The following RFX7 variants were observed in gnomAD, a reference collection of about 807,000 sequenced individuals.
RFX7 encodes the protein DNA-binding protein RFX7.
In RFX7, 26 loss-of-function variants were observed where a neutral mutation model predicts 111.8. The observed-to-expected ratio is 0.23, with a 90% CI of 0.17 to 0.32. RFX7 has a LOEUF of 0.32. Ranked by LOEUF, RFX7 falls within the 10% of genes least tolerant of loss-of-function variation. RFX7 has a pLI of 1.00. For missense variants in RFX7, 1,573 were observed against 1,772.9 expected (o/e 0.89, Z 2.02); for synonymous variants, 624 against 624.4 (o/e 1.00, Z 0.01).
chr15:56,106,295 C>T (rs1241406986), intron 5 of RFX7, among the ~76,000 whole-genome samples: 2 of 152,176 alleles, frequency 1.3e-5, no homozygotes, highest in African/African-American at 4.8e-5. Flanking sequence ...GATATAACAA[C>T]CTCATTGTCG....
intron 7 of RFX7, 42 bp downstream of exon 7, chr15:56,102,127 G>T (rs1157976059): frequency 3.6e-6 from 5 of 1,383,504 alleles, no homozygotes; most frequent in Non-Finnish European, 5.1e-6. Flanking sequence ...TTAATATAAA[G>T]GTACAATTTT....
chr15:56,220,585 C>T (rs182763444), intron 2 of RFX7, among the ~76,000 whole-genome samples: 1 of 151,996 alleles, frequency 6.6e-6, no homozygotes. Context: ...GGATATTAGA[C>T]CTTTGTCAGA....
intron 5 of RFX7, among the ~76,000 whole-genome samples, chr15:56,140,406 T>C (rs563948558): frequency 2.0e-4 from 31 of 152,332 alleles, no homozygotes; most frequent in Non-Finnish European, 4.3e-4. Flanking sequence ...CCCCTTTCTT[T>C]GACTCGGAAA....
rs781547733 is a variant in RFX7, at chr15:56,102,185, T to A, written c.587A>T (p.His196Leu). The change falls in exon 7 of 10, where the codon CAC becomes CTC. Residue 196 changes from histidine (H) to leucine (L), a missense_variant. Coordinates refer to ENST00000559447, the MANE Select transcript of RFX7 (RefSeq NM_022841.7). ...AATTCTTACCCCATCTCCAGTTTTGTGAAAGTCAAGGTTGGGCAGTGTTGG... is the reference window on the plus strand; with the variant it reads ...AATTCTTACCCCATCTCCAGTTTTGAGAAAGTCAAGGTTGGGCAGTGTTGG... ...HMPTLPNLDF[H>L]KTGDGLEGAE... 1 of 1,611,720 alleles carries A rather than the reference T, an allele frequency of 6.2e-7. No homozygotes were observed. Among genetic ancestry groups the A allele is most frequent in the Admixed American group, 1.7e-5 (1 of 59,714 alleles).
chr15:56,132,281 A>G (rs1187485500), intron 5 of RFX7, among the ~76,000 whole-genome samples: 1 of 152,068 alleles, frequency 6.6e-6, no homozygotes, highest in Non-Finnish European at 1.5e-5. Context: ...GAAACTTGTG[A>G]AAAAGAGGTA....
At chr15:56,112,126 A>G (rs2041944323) in intron 5 of RFX7, among the ~76,000 whole-genome samples, 1 of 151,606 alleles carries the variant, frequency 6.6e-6, no homozygotes, top group African/African-American at 2.4e-5. Context: ...GAAAAAAAAA[A>G]AAAAAAAGAA....
At chr15:56,140,710 C>T (rs2042380178) in intron 5 of RFX7, among the ~76,000 whole-genome samples, 1 of 152,188 alleles carries the variant, frequency 6.6e-6, no homozygotes, top group Admixed American at 6.5e-5. Flanking sequence ...CACTACTCCT[C>T]CCAAACAATG....
chr15:56,136,059 A>G (rs1178929146), intron 5 of RFX7, among the ~76,000 whole-genome samples: 4 of 152,100 alleles, frequency 2.6e-5, no homozygotes, highest in African/African-American at 9.7e-5. Flanking sequence ...TGATGCCTCC[A>G]GCTTTGTTCT....
intron 5 of RFX7, among the ~76,000 whole-genome samples, chr15:56,106,371 AATC>A (rs1196746245): frequency 1.3e-5 from 2 of 152,224 alleles, no homozygotes; most frequent in Non-Finnish European, 2.9e-5. Flanking sequence ...ATTCCTCCTG[AATC>A]ATGTCAGAAG....
At chr15:56,097,746 C>CAAAAAAAAA (rs67718449) in intron 9 of RFX7, among the ~76,000 whole-genome samples, 788 of 47,312 alleles carry the variant, frequency 0.017, 216 homozygotes, top group African/African-American at 0.08. Context: ...GACTCTGTCT[C>CAAAAAAAAA]AAAAAAAAAA....
chr15:56,182,603 A>G (rs2042986180), intron 2 of RFX7, among the ~76,000 whole-genome samples: 1 of 152,118 alleles, frequency 6.6e-6, no homozygotes, highest in Admixed American at 6.5e-5. Flanking sequence ...ATTCCATCAC[A>G]CTGTACTTTT....
chr15:56,223,712 C>T lies in RFX7; in HGVS notation c.161+19413G>A, dbSNP rs919182154. Reference sequence around the variant, plus strand: ...CCCTACAAAGAGCATCTGTTTACTTCGGGTATATTTTCTTCTACTTATATA... The same window carrying T: ...CCCTACAAAGAGCATCTGTTTACTTTGGGTATATTTTCTTCTACTTATATA... On this transcript the variant is annotated intron_variant, in intron 2 of 9. Transcript: ENST00000559447. Among the ~76,000 whole-genome samples, 11 of 152,056 alleles carry T rather than the reference C, an allele frequency of 7.2e-5. 1 individual carries two copies. The highest frequency in any genetic ancestry group is 1.3e-4 in the Admixed American group (2 of 15,264).
chr15:56,095,609 CT>C lies in RFX7; in HGVS notation c.2118del (p.Gly707ValfsTer14). ...GGAATCTGAGCACCTGCTGTTGAAC[CT>C]TCTGTTTTCCCTGAATGTGGAACCT... The part of the protein sequence containing the change: ...DQKVPHSGKT[E>X]GSTAGAQIPS... On this transcript the variant is annotated frameshift_variant, in exon 10 of 10. Transcript: ENST00000559447. LOFTEE classifies it high-confidence loss of function. The C allele has an allele frequency of 6.2e-7, 1 of 1,613,980 alleles. No individual in the cohort carries two copies. Among genetic ancestry groups the C allele is most frequent in the East Asian group, 2.2e-5 (1 of 44,888 alleles).
intron 2 of RFX7, among the ~76,000 whole-genome samples, chr15:56,182,242 A>G (rs933698291): frequency 4.6e-5 from 7 of 152,104 alleles, no homozygotes; most frequent in Admixed American, 6.6e-5. Flanking sequence ...AAAATTTTTT[A>G]TCTTCCATGA....
intron 3 of RFX7, among the ~76,000 whole-genome samples, chr15:56,149,813 T>C (rs1461387994): frequency 6.6e-6 from 1 of 151,864 alleles, no homozygotes; most frequent in East Asian, 1.9e-4. Context: ...TTTTTTTTTT[T>C]CTTCTTTGCC....
At chr15:56,174,472 T>C (rs952455139) in intron 3 of RFX7, among the ~76,000 whole-genome samples, 17 of 152,146 alleles carry the variant, frequency 1.1e-4, no homozygotes, top group African/African-American at 4.1e-4. Context: ...CTGGGCACGG[T>C]TGCTCATACC....
At chr15:56,188,322 G>C (rs1460274317) in intron 2 of RFX7, among the ~76,000 whole-genome samples, 1 of 152,106 alleles carries the variant, frequency 6.6e-6, no homozygotes, top group African/African-American at 2.4e-5. Flanking sequence ...GCAATATCAA[G>C]TGGTCTAACT....
chr15:56,232,609 C>G (rs563044878), intron 2 of RFX7, among the ~76,000 whole-genome samples: 15 of 152,162 alleles, frequency 9.9e-5, no homozygotes, highest in Admixed American at 8.5e-4. Flanking sequence ...TCTAATACAT[C>G]GTCAGGCTGC....
In RFX7 at chr15:56,089,215, A is replaced by T. The variant is rs1356770121; in HGVS notation, c.*4130T>A. ...GTGTGTATGGAGTGCTTAATGGAAG[A>T]TTCTGAGATTTTTTTTTCTCTCTGA... On this transcript the variant is annotated 3_prime_UTR_variant, in exon 10 of 10. Transcript: ENST00000559447. 1 of 152,432 alleles carries T rather than the reference A, an allele frequency of 6.6e-6. No individual in the cohort carries two copies. The highest frequency in any genetic ancestry group is 1.5e-5 in the Non-Finnish European group (1 of 68,052). The allele number at this position is 152,432 out of a possible 1,614,324, so 9.4% of individuals were successfully genotyped here.
Sources: gnomAD v4.1 joint callset for allele counts (sites outside exome capture counted in the v4.1 genomes callset) on GRCh38, gnomAD v4.1.1 for gene constraint, MANE v1.5 for transcripts, NCBI Gene and HGNC (gene_info 2026-07-23, HGNC 2026-07-21) for gene names.